The following PKD1L1 variants were observed in gnomAD, a reference collection of about 807,000 sequenced individuals.
PKD1L1 encodes the protein polycystin-1-like protein 1.
A neutral mutation model predicts 323.4 loss-of-function variants in PKD1L1; 236 were observed. That is an observed-to-expected ratio of 0.73 (90% confidence interval 0.66 to 0.81). The LOEUF (loss-of-function observed/expected upper bound fraction) is 0.81. Ranked by LOEUF, PKD1L1 falls within the 40% of genes least tolerant of loss-of-function variation. The pLI is 0.00. For synonymous variants in PKD1L1, 1,344 were observed against 1,335.0 expected (o/e 1.01, Z -0.15); for missense variants, 3,320 against 3,508.0 (o/e 0.95, Z 1.35).
chr7:47,837,233 A>G, intron 36 of PKD1L1, 139 bp from the exon 37 acceptor site: 1 of 976,314 alleles, frequency 1.0e-6, no homozygotes, highest in Non-Finnish European at 1.5e-6. Flanking sequence ...GCTGTGTACC[A>G]GGTGGGCTGT....
intron 41 of PKD1L1, among the ~76,000 whole-genome samples, chr7:47,832,596 C>T (rs955980439): frequency 2.0e-5 from 3 of 152,192 alleles, no homozygotes; most frequent in African/African-American, 7.2e-5. Context: ...GCTCTAGGAT[C>T]CCAAAGCCAC....
At chr7:47,960,132 G>A in the PKD1L1 span, among the ~76,000 whole-genome samples, 6 of 150,950 alleles carry the variant, frequency 4.0e-5, no homozygotes, top group Non-Finnish European at 8.9e-5. Context: ...GATTAAGGGT[G>A]GTGCAAGATG....
At position 47,890,623 on chromosome 7, in the gene PKD1L1, A is replaced by G. The variant is rs776957385; in HGVS notation, c.2594T>C (p.Val865Ala). The change falls in exon 16 of 57, where the codon GTG becomes GCG. Residue 865 changes from valine to alanine, a missense_variant. By Grantham distance (64) the Val-to-Ala change is moderately conservative. Transcript: ENST00000289672. ...GCCACCACTGGAGACCCTCAGCATC[A>G]CAAGGAACTGATCATAGCTGTCACT... ...WLSDSYDQFL[V>A]MLRVSSGGRN... 3.7e-5 allele frequency: 59 copies of G among 1,614,078 alleles called. No individual in the cohort carries two copies. Among genetic ancestry groups the G allele is most frequent in the Non-Finnish European group, 2.7e-5 (32 of 1,180,052 alleles).
chr7:47,898,171 C>T lies in PKD1L1; in HGVS notation c.2088G>A (p.Arg696=), dbSNP rs754706743. ...CTGCAGCTTCAAACGTCACTCCCAGCCTCACAGGCTGAGACCTCCATATCT... is the reference window on the plus strand; with the variant it reads ...CTGCAGCTTCAAACGTCACTCCCAGTCTCACAGGCTGAGACCTCCATATCT... ...KVQIWRSQPV[R]LGVTFEAAVF... The change falls in exon 14 of 57, where the codon AGG becomes AGA. Residue 696 remains arginine (R), a synonymous_variant. Coordinates refer to ENST00000289672, the MANE Select transcript of PKD1L1 (RefSeq NM_138295.5). The T allele has an allele frequency of 1.9e-6, 3 of 1,613,938 alleles. No individual in the cohort carries two copies. In the African/African-American group the frequency reaches 4.0e-5, roughly 22 times the overall value.
At chr7:47,792,507 T>C in intron 56 of PKD1L1, 120 bp downstream of exon 56, 2 of 990,210 alleles carry the variant, frequency 2.0e-6, no homozygotes, top group South Asian at 3.4e-5. Context: ...AGCAGTATGA[T>C]ATCTAAAGAA....
In PKD1L1 at chr7:47,809,582, T is replaced by G; in HGVS notation, c.7582-5A>C. ...GCTGAGTGCCAGGAAGACCAGCTGG[T>G]GGAGAGAATGTAAACAAACAAGATC... On this transcript the variant is annotated splice_polypyrimidine_tract_variant and splice_region_variant and intron_variant, in intron 50 of 56. Coordinates refer to ENST00000289672, the MANE Select transcript of PKD1L1 (RefSeq NM_138295.5). 6.4e-7 allele frequency: 1 copy of G among 1,566,800 alleles called. No individual in the cohort carries two copies. Among genetic ancestry groups the G allele is most frequent in the Non-Finnish European group, 8.7e-7 (1 of 1,155,498 alleles).
In PKD1L1 at chr7:47,774,963, G is replaced by A; in HGVS notation, c.*180C>T. 2.9e-6 allele frequency: 2 copies of A among 681,306 alleles called. No homozygotes were observed. The highest frequency in any genetic ancestry group is 2.5e-5 in the Admixed American group (1 of 40,448). 42.2% of individuals were successfully genotyped at this position (681,306 alleles called of 1,614,324 possible). The stretch of plus-strand genomic sequence containing the variant: ...GATTATGAGTAACAGTCTGATGACA[G>A]ATAAACCTTGATTTTCATCCTGGTT... On this transcript the variant is annotated 3_prime_UTR_variant, in exon 57 of 57. Coordinates refer to ENST00000289672, the MANE Select transcript of PKD1L1 (RefSeq NM_138295.5).
intron 18 of PKD1L1, 60 bp from the exon 19 acceptor site, chr7:47,884,717 A>C (rs1786643449): frequency 7.2e-7 from 1 of 1,381,722 alleles, no homozygotes; most frequent in African/African-American, 1.4e-5. Flanking sequence ...CCTGAAATTA[A>C]CAGCAGCTCC....
At chr7:47,931,714 A>C (rs569100529) in intron 5 of PKD1L1, among the ~76,000 whole-genome samples, 1 of 152,368 alleles carries the variant, frequency 6.6e-6, no homozygotes, top group Non-Finnish European at 1.5e-5. Flanking sequence ...CAGACAGCAA[A>C]AATGCTCTTA....
chr7:47,866,081 T>C lies in PKD1L1; in HGVS notation c.4092+338A>G, dbSNP rs1786163187. On this transcript the variant is annotated intron_variant, in intron 25 of 56. Transcript: ENST00000289672. The stretch of plus-strand genomic sequence containing the variant: ...AGTCACATTTGAATACATGGTAATT[T>C]CTTCAGAAGTTGCACAAAATCATGA... Among the ~76,000 whole-genome samples the C allele has an allele frequency of 2.0e-5, 3 of 152,358 alleles. 1 individual carries two copies. In the South Asian group the frequency reaches 6.2e-4, roughly 32 times the overall value.
the PKD1L1 span, among the ~76,000 whole-genome samples, chr7:47,954,251 T>A: frequency 0.46 from 69,815 of 151,950 alleles, 16,771 homozygotes; most frequent in East Asian, 0.53. Flanking sequence ...TAGCAGCGTA[T>A]TTTCACTGAG....
chr7:47,817,048 C>T (rs944774188), intron 46 of PKD1L1, among the ~76,000 whole-genome samples: 2 of 152,102 alleles, frequency 1.3e-5, no homozygotes, highest in African/African-American at 4.8e-5. Context: ...CCAGCCTAGC[C>T]AAAATGATGA....
chr7:47,893,350 G>GGC (rs1227783254), intron 15 of PKD1L1, among the ~76,000 whole-genome samples: 2 of 152,230 alleles, frequency 1.3e-5, no homozygotes, highest in Non-Finnish European at 2.9e-5. Context: ...GTCCAGAGGG[G>GGC]GCGCTGTAGG....
At chr7:47,898,298 G>T in intron 13 of PKD1L1, 104 bp from the exon 14 acceptor site, 1 of 934,644 alleles carries the variant, frequency 1.1e-6, no homozygotes, top group Non-Finnish European at 1.6e-6. Context: ...CCCATTATTT[G>T]TTTGCATAGT....
chr7:47,855,437 G>A (rs942813324), intron 28 of PKD1L1, among the ~76,000 whole-genome samples, 172 bp from the exon 29 acceptor site: 1 of 152,206 alleles, frequency 6.6e-6, no homozygotes, highest in Non-Finnish European at 1.5e-5. Flanking sequence ...AGGATGGCAG[G>A]ATTGGAGTGA....
Position 47,803,328 on chromosome 7 carries a change from C to T in PKD1L1, c.7844G>A (p.Arg2615Gln), listed in dbSNP as rs529846904. ...ASWNQRARWL[R>Q]GILLFLFTLK... ...TGTGAAGAGGAATAAGAGGATTCCC[C>T]GGAGCCATCGAGCCCTCTGAGACAG... Residue 2615 changes from arginine (R) to glutamine (Q), a missense_variant, in exon 53 of 57, where the codon CGG (arginine) becomes CAG (glutamine). Physicochemically the swap from Arg to Gln is conservative, Grantham distance 43 (BLOSUM62 1). Transcript: ENST00000289672. The T allele has an allele frequency of 1.9e-5, 31 of 1,613,902 alleles. 1 individual carries two copies. Among genetic ancestry groups the T allele is most frequent in the Middle Eastern group, 1.7e-4 (1 of 5,966 alleles).
chr7:47,893,794 A>G (rs1786874620), intron 15 of PKD1L1, 84 bp downstream of exon 15: 1 of 1,386,082 alleles, frequency 7.2e-7, no homozygotes, highest in Admixed American at 2.3e-5. Flanking sequence ...TAAAACTATT[A>G]ATAGCCTCCA....
In PKD1L1 at chr7:47,834,343, C is replaced by T. The variant is rs17131834; in HGVS notation, c.6170G>A (p.Arg2057His). Reference protein sequence around the residue: ...WGRIPDAQEPRKQPASAILSG... With the variant: ...WGRIPDAQEPHKQPASAILSG... ...TGCGCATAATGATTGATTTACCTTG[C>T]GTGGCTCCTGTGCGTCTGGTATCCT... Residue 2057 changes from arginine to histidine, a missense_variant, in exon 40 of 57, where the codon CGC becomes CAC. Physicochemically the swap from Arg to His is conservative, Grantham distance 29. Coordinates refer to ENST00000289672, the MANE Select transcript of PKD1L1 (RefSeq NM_138295.5). The T allele has an allele frequency of 2.9e-3, 4,634 of 1,613,470 alleles. 129 individuals are homozygous for T. The African/African-American group carries it at 0.055, about 19-fold the overall frequency.
At chr7:47,846,736 C>T in intron 32 of PKD1L1, 143 bp downstream of exon 32, 1 of 725,900 alleles carries the variant, frequency 1.4e-6, no homozygotes, top group Admixed American at 3.3e-5. Context: ...AGAACTGACA[C>T]AGGCTGGAGA....
Sources: gnomAD v4.1 joint callset for allele counts (sites outside exome capture counted in the v4.1 genomes callset) on GRCh38, gnomAD v4.1.1 for gene constraint, MANE v1.5 for transcripts, NCBI Gene and HGNC (gene_info 2026-07-23, HGNC 2026-07-21) for gene names.